MS4A4E: variants seen among roughly 807,000 people sequenced by gnomAD.
MS4A4E encodes the protein putative membrane-spanning 4-domains subfamily A member 4E.
A neutral mutation model predicts 13.3 loss-of-function variants in MS4A4E; 23 were observed. The observed-to-expected ratio is 1.73, with a 90% CI of 1.25 to 2.45. The LOEUF (loss-of-function observed/expected upper bound fraction) is 2.45, where lower values mean the gene tolerates loss of function less well. Among genes scored for constraint, MS4A4E ranks in the 30% most tolerant of loss-of-function variants. The pLI is 0.00. For missense variants in MS4A4E, 144 were observed against 131.2 expected (o/e 1.10, Z -0.48); for synonymous variants, 36 against 45.6 (o/e 0.79, Z 0.85).
chr11:60,207,323 T>C (rs1232149645), intron 6 of MS4A4E, among the ~76,000 whole-genome samples: 1 of 152,038 alleles, frequency 6.6e-6, no homozygotes, highest in Non-Finnish European at 1.5e-5. Context: ...GAAACAACAT[T>C]CCCCAGCTTC....
chr11:60,214,640 G>GA (rs1368459814), intron 3 of MS4A4E, 26 bp from the exon 4 acceptor site: 15 of 1,437,024 alleles, frequency 1.0e-5, no homozygotes, highest in African/African-American at 1.4e-5. Flanking sequence ...AAGAATGAGA[G>GA]AAAAAAATGG....
Position 60,240,440 on chromosome 11 carries a change from C to T in MS4A4E, c.-17+2518G>A, listed in dbSNP as rs561536327. Among the ~76,000 whole-genome samples, 37 of 152,164 alleles carry T rather than the reference C, an allele frequency of 2.4e-4. No individual in the cohort carries two copies. The South Asian group carries it at 6.2e-3, about 26-fold the overall frequency. On this transcript the variant is annotated intron_variant, in intron 1 of 8. Coordinates refer to ENST00000651255, the MANE Select transcript of MS4A4E (RefSeq NM_001393391.1). ...TCCATTTGTAGCCTTGGATGTTCAA[C>T]CCACCCCTGACTTTGTAGCCAAATG...
chr11:60,240,352 T>C (rs777800705), intron 1 of MS4A4E, among the ~76,000 whole-genome samples: 15 of 152,230 alleles, frequency 9.9e-5, no homozygotes, highest in Non-Finnish European at 2.2e-4. Flanking sequence ...CATCTCCTCG[T>C]GCCAAGCCAT....
Position 60,200,436 on chromosome 11 carries a change from G to A in MS4A4E, c.*1107C>T, listed in dbSNP as rs935569266. 1.5e-4 allele frequency among the ~76,000 whole-genome samples: 23 copies of A among 152,044 alleles called. No individual in the cohort carries two copies. The highest frequency in any genetic ancestry group is 8.8e-5 in the Non-Finnish European group (6 of 68,004). On this transcript the variant is annotated 3_prime_UTR_variant, in exon 9 of 9. Coordinates refer to ENST00000651255, the MANE Select transcript of MS4A4E (RefSeq NM_001393391.1). The stretch of plus-strand genomic sequence containing the variant: ...GGTTTTCCTAGGCAGAGGACCCTGC[G>A]GCCTTCCGAGGTGTTTGTGTCCCTG...
intron 3 of MS4A4E, among the ~76,000 whole-genome samples, chr11:60,219,793 C>T (rs1330880939): frequency 6.6e-6 from 1 of 152,206 alleles, no homozygotes; most frequent in Non-Finnish European, 1.5e-5. Context: ...TGGACACTGA[C>T]TCTGAGCTGA....
At chr11:60,211,236 GTGACATTGGGAAAATTTGTCAAAT>G (rs2134924893) in intron 5 of MS4A4E, among the ~76,000 whole-genome samples, 2 of 152,348 alleles carry the variant, frequency 1.3e-5, no homozygotes, top group South Asian at 4.1e-4. Context: ...TTCTAACTGA[GTGACATTGGGAAAATTTGTCAAAT>G]TCTCAAAAGA....
At chr11:60,233,885 G>C (rs1361547355) in intron 1 of MS4A4E, among the ~76,000 whole-genome samples, 2 of 152,182 alleles carry the variant, frequency 1.3e-5, no homozygotes, top group Non-Finnish European at 2.9e-5. Context: ...CAACCTAACA[G>C]AGCTGAAGCA....
At chr11:60,227,463 A>G (rs1187931205) in intron 3 of MS4A4E, among the ~76,000 whole-genome samples, 1 of 152,124 alleles carries the variant, frequency 6.6e-6, no homozygotes, top group Admixed American at 6.6e-5. Flanking sequence ...AGGCAGGAGA[A>G]TGGTGTGAAC....
At chr11:60,241,863 C>T (rs948588568) in intron 1 of MS4A4E, among the ~76,000 whole-genome samples, 1 of 152,020 alleles carries the variant, frequency 6.6e-6, no homozygotes, top group African/African-American at 2.4e-5. Flanking sequence ...CAATGTCTTC[C>T]CCGCCCCTCC....
chr11:60,221,109 T>C lies in MS4A4E; in HGVS notation c.179-6495A>G, dbSNP rs370960642. On this transcript the variant is annotated intron_variant, in intron 3 of 8. Transcript: ENST00000651255. ...ATTTTGGAGGAAGGCCCTGCCATCT[T>C]CTGCAGATAACTACTTTCCTTTTTA... 2.6e-5 allele frequency among the ~76,000 whole-genome samples: 4 copies of C among 152,284 alleles called. No homozygotes were observed. The East Asian group carries it at 7.7e-4, about 29-fold the overall frequency.
chr11:60,223,128 A>G (rs2084293866), intron 3 of MS4A4E, among the ~76,000 whole-genome samples: 1 of 152,288 alleles, frequency 6.6e-6, no homozygotes, highest in East Asian at 1.9e-4. Context: ...GAAGGCTGTC[A>G]TCAATACCAG....
At chr11:60,227,914 A>G (rs1017632926) in intron 3 of MS4A4E, among the ~76,000 whole-genome samples, 1 of 152,170 alleles carries the variant, frequency 6.6e-6, no homozygotes, top group Non-Finnish European at 1.5e-5. Context: ...TTGAACTTAG[A>G]CACATACCTT....
chr11:60,200,603 G>T lies in MS4A4E; in HGVS notation c.*940C>A, dbSNP rs2134902884. Among the ~76,000 whole-genome samples the T allele has an allele frequency of 6.6e-6, 1 of 152,222 alleles. No individual in the cohort carries two copies. The highest frequency in any genetic ancestry group is 2.1e-4 in the South Asian group (1 of 4,810). The stretch of plus-strand genomic sequence containing the variant: ...CACATGTTTCAGAGAGCACAGGGTT[G>T]GGGGTAAGGTCACAGATCAACAGGA... On this transcript the variant is annotated 3_prime_UTR_variant, in exon 9 of 9. Transcript: ENST00000651255.
At chr11:60,206,078 T>C (rs1196461891) in intron 6 of MS4A4E, among the ~76,000 whole-genome samples, 1 of 152,104 alleles carries the variant, frequency 6.6e-6, no homozygotes, top group East Asian at 1.9e-4. Flanking sequence ...CAAGGTACTT[T>C]CTATGGGTGA....
intron 3 of MS4A4E, among the ~76,000 whole-genome samples, chr11:60,219,002 A>C (rs2084231746): frequency 6.6e-6 from 1 of 152,170 alleles, no homozygotes; most frequent in African/African-American, 2.4e-5. Context: ...ATATGGATTA[A>C]AAGATGGCCC....
intron 3 of MS4A4E, among the ~76,000 whole-genome samples, chr11:60,217,378 G>A (rs1168440867): frequency 6.6e-6 from 1 of 152,130 alleles, no homozygotes; most frequent in Middle Eastern, 3.2e-3. Flanking sequence ...CCTTGATGAA[G>A]CTGGGGACAC....
At chr11:60,213,163 CCAA>C (rs1265692488) in intron 4 of MS4A4E, 31 bp from the exon 5 acceptor site, 1 of 895,548 alleles carries the variant, frequency 1.1e-6, no homozygotes, top group Non-Finnish European at 1.7e-6. Context: ...ATTAAGCAAT[CCAA>C]CATCATCCTC....
chr11:60,229,665 A>G (rs1395609118), intron 2 of MS4A4E, among the ~76,000 whole-genome samples: 2 of 152,230 alleles, frequency 1.3e-5, no homozygotes. Flanking sequence ...AAATATAATT[A>G]TCATGGCTGA....
At chr11:60,208,832 T>C (rs961529292) in intron 5 of MS4A4E, 138 bp from the exon 6 acceptor site, 2 of 407,076 alleles carry the variant, frequency 4.9e-6, no homozygotes, top group Non-Finnish European at 9.0e-6. Context: ...AGCCATACCC[T>C]TGACCAATTC....
Sources: gnomAD v4.1 joint callset for allele counts (sites outside exome capture counted in the v4.1 genomes callset) on GRCh38, gnomAD v4.1.1 for gene constraint, MANE v1.5 for transcripts, NCBI Gene and HGNC (gene_info 2026-07-23, HGNC 2026-07-21) for gene names.